The following COA1 variants were observed in gnomAD, a reference collection of about 807,000 sequenced individuals.
The protein encoded by COA1 is cytochrome c oxidase assembly factor 1 homolog.
COA1 carries 13 observed loss-of-function variants against 16.0 expected under a neutral mutation model. The ratio of observed to expected loss-of-function variants is 0.81; its 90% CI spans 0.53 to 1.29. COA1 has a LOEUF of 1.29. COA1 is among the 50% of genes most tolerant of loss of function. The probability of loss-of-function intolerance (pLI) is 0.00; values close to 1 mark genes in which losing one functional copy is unlikely to be tolerated. For missense variants in COA1, 179 were observed against 177.0 expected (o/e 1.01, Z -0.06); for synonymous variants, 65 against 65.7 (o/e 0.99, Z 0.05).
chr7:43,712,060 C>A (rs80341546), intron 1 of COA1, among the ~76,000 whole-genome samples: 4 of 152,082 alleles, frequency 2.6e-5, no homozygotes, highest in Non-Finnish European at 5.9e-5. Context: ...CTGATTTAAT[C>A]ATTCCCTTGC....
At chr7:43,691,373 G>A (rs58972695) in intron 1 of COA1, among the ~76,000 whole-genome samples, 4,160 of 18,130 alleles carry the variant, frequency 0.23, 236 homozygotes, top group Middle Eastern at 0.44. Flanking sequence ...GGGAGGGAGG[G>A]AGGGAGGAAG....
At chr7:43,698,499 A>ATCC (rs2094598617) in intron 1 of COA1, among the ~76,000 whole-genome samples, 1 of 152,194 alleles carries the variant, frequency 6.6e-6, no homozygotes. Flanking sequence ...AGATATTGAA[A>ATCC]ACTTGTCATC....
intron 1 of COA1, among the ~76,000 whole-genome samples, chr7:43,716,730 T>C (rs745710067): frequency 7.2e-5 from 11 of 152,166 alleles, no homozygotes; most frequent in Non-Finnish European, 1.6e-4. Context: ...ATCCAGGCCA[T>C]GTCAGAGACT....
At chr7:43,636,929 C>T (rs1563200792), downstream of COA1, among the ~76,000 whole-genome samples, 2 of 152,232 alleles carry the variant, frequency 1.3e-5, no homozygotes, top group East Asian at 1.9e-4. Flanking sequence ...CAGTGGCATT[C>T]ACACACTGTG....
At chr7:43,653,921 C>T (rs10259377) in intron 1 of COA1, among the ~76,000 whole-genome samples, 22,347 of 152,122 alleles carry the variant, frequency 0.15, 2,193 homozygotes, top group Non-Finnish European at 0.21. Flanking sequence ...CAAGCTACCA[C>T]TTCCTGATAT....
downstream of COA1, among the ~76,000 whole-genome samples, chr7:43,636,332 T>C (rs2085868211): frequency 6.9e-6 from 1 of 145,290 alleles, no homozygotes. Flanking sequence ...CTCCCACCTC[T>C]TTCTGGACCG....
At chr7:43,663,382 T>A (rs528946504) in intron 1 of COA1, among the ~76,000 whole-genome samples, 8 of 152,322 alleles carry the variant, frequency 5.3e-5, no homozygotes, top group Non-Finnish European at 1.2e-4. Flanking sequence ...AATACAAGTC[T>A]AGTCTATGCC....
intron 4 of COA1, chr7:43,641,650 G>GA (rs2087151828): frequency 2.0e-5 from 3 of 152,222 alleles, no homozygotes; most frequent in African/African-American, 7.2e-5. Context: ...TACAATACAT[G>GA]AAGGCTTGTC....
intron 1 of COA1, among the ~76,000 whole-genome samples, chr7:43,660,137 C>A (rs1013055416): frequency 6.6e-6 from 1 of 152,166 alleles, no homozygotes; most frequent in African/African-American, 2.4e-5. Context: ...TTGTTAATGA[C>A]GGACCTAGCA....
intron 1 of COA1, among the ~76,000 whole-genome samples, chr7:43,669,056 G>T (rs2190583): frequency 0.71 from 107,046 of 151,380 alleles, 38,318 homozygotes; most frequent in African/African-American, 0.84. Flanking sequence ...AAACCACACA[G>T]GAACACACCT....
At chr7:43,665,967 C>A (rs934883939) in intron 1 of COA1, among the ~76,000 whole-genome samples, 4 of 152,190 alleles carry the variant, frequency 2.6e-5, no homozygotes, top group Admixed American at 2.0e-4. Context: ...CCTTTTTGTT[C>A]TTTTGGGACC....
Position 43,611,362 on chromosome 7 carries a change from A to T in COA1, c.*134-1867T>A, listed in dbSNP as rs36028286. Reference sequence around the variant, plus strand: ...TATACACATTTATCTTTTCTCAAAGATATTAATTTTTTAATACCATGGCTA... The same window carrying T: ...TATACACATTTATCTTTTCTCAAAGTTATTAATTTTTTAATACCATGGCTA... On this transcript the variant is annotated intron_variant and NMD_transcript_variant, in intron 6 of 6. Coordinates refer to the COA1 transcript ENST00000415076. Among the ~76,000 whole-genome samples the T allele has an allele frequency of 3.3e-3, 504 of 152,290 alleles. 2 individuals are homozygous for T. The highest frequency in any genetic ancestry group is 5.3e-3 in the Non-Finnish European group (363 of 68,016).
chr7:43,624,804 C>G, intron 6 of COA1: 2 of 1,605,672 alleles, frequency 1.2e-6, no homozygotes, highest in Non-Finnish European at 1.7e-6. Flanking sequence ...ATTTGAGGAA[C>G]CTTTGCTACA....
intron 6 of COA1, among the ~76,000 whole-genome samples, chr7:43,617,371 G>C (rs541718385): frequency 6.6e-6 from 1 of 152,376 alleles, no homozygotes; most frequent in African/African-American, 2.4e-5. Flanking sequence ...CATTGCAATA[G>C]AGCAAGAAAG....
intron 1 of COA1, among the ~76,000 whole-genome samples, chr7:43,691,326 AAAGAGAAAGAGAGAGAGG>A: frequency 9.7e-6 from 1 of 102,998 alleles, no homozygotes; most frequent in African/African-American, 3.7e-5. Context: ...AGAAAGAAAG[AAAGAGAAAGAGAGAGAGG>A]GAGGGAGGGA....
chr7:43,622,479 G>A (rs1214444742), intron 6 of COA1: 1 of 151,054 alleles, frequency 6.6e-6, no homozygotes, highest in Non-Finnish European at 1.5e-5. Flanking sequence ...TTAGTCTTTG[G>A]TCTGTTTTTC....
intron 1 of COA1, among the ~76,000 whole-genome samples, chr7:43,694,618 T>C (rs1271274512): frequency 6.6e-6 from 1 of 152,226 alleles, no homozygotes; most frequent in East Asian, 1.9e-4. Context: ...CTCCTCCTTA[T>C]TGAGCAATTC....
At chr7:43,620,877 C>T (rs1327992342) in intron 6 of COA1, among the ~76,000 whole-genome samples, 2 of 151,934 alleles carry the variant, frequency 1.3e-5, no homozygotes, top group Non-Finnish European at 2.9e-5. Flanking sequence ...GGAGGGCGGC[C>T]GTGGCAGGAA....
intron 1 of COA1, among the ~76,000 whole-genome samples, chr7:43,722,134 A>G (rs1376759093): frequency 1.4e-5 from 2 of 147,678 alleles, no homozygotes; most frequent in Non-Finnish European, 3.0e-5. Flanking sequence ...TCTGTCACTC[A>G]GGCTGGAGTG....
Sources: gnomAD v4.1 joint callset for allele counts (sites outside exome capture counted in the v4.1 genomes callset) on GRCh38, gnomAD v4.1.1 for gene constraint, MANE v1.5 for transcripts, NCBI Gene and HGNC (gene_info 2026-07-23, HGNC 2026-07-21) for gene names.